The following PTPRD variants were observed in gnomAD, a reference collection of about 807,000 sequenced individuals.
PTPRD encodes protein tyrosine phosphatase receptor type D.
In PTPRD, 34 loss-of-function variants were observed where a neutral mutation model predicts 214.5. The ratio of observed to expected loss-of-function variants is 0.16; its 90% CI spans 0.12 to 0.21. PTPRD has a LOEUF of 0.21. PTPRD is among the 10% of genes least tolerant of loss of function. The probability of loss-of-function intolerance (pLI) is 1.00; values close to 1 mark genes in which losing one functional copy is unlikely to be tolerated. For synonymous variants in PTPRD, 1,128 were observed against 845.7 expected (o/e 1.33, Z -5.79); for missense variants, 2,545 against 2,398.7 (o/e 1.06, Z -1.27).
chr9:10,487,617 C>T (rs774842934), intron 2 of PTPRD, among the ~76,000 whole-genome samples: 8 of 151,740 alleles, frequency 5.3e-5, no homozygotes, highest in East Asian at 3.9e-4. Context: ...AGACCAAATA[C>T]GGCATGTTCT....
At position 9,768,772 on chromosome 9, in the gene PTPRD, G is replaced by C. The variant is rs112118359; in HGVS notation, c.-367-1921C>G. On this transcript the variant is annotated intron_variant, in intron 5 of 45. Coordinates refer to ENST00000381196, the MANE Select transcript of PTPRD (RefSeq NM_002839.4). Reference sequence around the variant, plus strand: ...CATGAAAACAAAAGTATGGGGTAAAGGGATTGCTTAAACCTCTGAATAGTC... The same window carrying C: ...CATGAAAACAAAAGTATGGGGTAAACGGATTGCTTAAACCTCTGAATAGTC... Among the ~76,000 whole-genome samples the C allele has an allele frequency of 5.7e-3, 868 of 152,298 alleles. 4 individuals are homozygous for C. Among genetic ancestry groups the C allele is most frequent in the Non-Finnish European group, 9.4e-3 (641 of 68,012 alleles).
chr9:8,755,233 CAAAA>C (rs201333942), intron 11 of PTPRD, among the ~76,000 whole-genome samples: 1 of 131,288 alleles, frequency 7.6e-6, no homozygotes, highest in Non-Finnish European at 1.6e-5. Context: ...AAAAAAAAAA[CAAAA>C]AAAACAAACA....
chr9:10,118,882 A>G (rs1272175134), intron 3 of PTPRD, among the ~76,000 whole-genome samples: 1 of 148,084 alleles, frequency 6.8e-6, no homozygotes, highest in East Asian at 1.9e-4. Flanking sequence ...AAATAAATAA[A>G]TAAATAAATA....
At chr9:9,356,673 G>T (rs1482598555) in intron 9 of PTPRD, among the ~76,000 whole-genome samples, 3 of 151,404 alleles carry the variant, frequency 2.0e-5, no homozygotes, top group Non-Finnish European at 4.4e-5. Flanking sequence ...GCATCTTGAA[G>T]AAACATAGTT....
chr9:10,303,029 A>C (rs1190149036), intron 3 of PTPRD, among the ~76,000 whole-genome samples: 1 of 152,220 alleles, frequency 6.6e-6, no homozygotes, highest in Non-Finnish European at 1.5e-5. Flanking sequence ...CTCCTCAGGG[A>C]ATGCAAAACA....
intron 9 of PTPRD, among the ~76,000 whole-genome samples, chr9:9,232,053 T>C (rs1308010375): frequency 2.0e-5 from 3 of 152,172 alleles, no homozygotes; most frequent in African/African-American, 7.2e-5. Context: ...CATGGTACTA[T>C]CCCTACAGTG....
intron 11 of PTPRD, among the ~76,000 whole-genome samples, chr9:8,991,102 C>T (rs563000545): frequency 6.6e-6 from 1 of 151,532 alleles, no homozygotes; most frequent in Admixed American, 6.6e-5. Context: ...GCCTGTAGTC[C>T]CAGCTACTCG....
chr9:8,932,712 C>A (rs566138958), intron 11 of PTPRD, among the ~76,000 whole-genome samples: 5 of 152,058 alleles, frequency 3.3e-5, no homozygotes, highest in East Asian at 1.9e-4. Context: ...AAAGGTGGAC[C>A]CCCCCTCCCC....
chr9:10,395,098 T>C (rs1165806777), intron 2 of PTPRD, among the ~76,000 whole-genome samples: 3 of 151,382 alleles, frequency 2.0e-5, no homozygotes, highest in Non-Finnish European at 4.4e-5. Context: ...CAGGCTTTCT[T>C]TTTATTATTA....
At chr9:9,469,575 C>T (rs16929549) in intron 8 of PTPRD, among the ~76,000 whole-genome samples, 1 of 152,066 alleles carries the variant, frequency 6.6e-6, no homozygotes, top group African/African-American at 2.4e-5. Context: ...ACATGATTAA[C>T]TGATGACAGA....
chr9:8,594,640 TTA>T (rs2094362081), intron 14 of PTPRD, among the ~76,000 whole-genome samples: 1 of 151,986 alleles, frequency 6.6e-6, no homozygotes, highest in South Asian at 2.1e-4. Flanking sequence ...GATCATGGTT[TTA>T]TATGTGTTTG....
chr9:10,528,901 C>T (rs1355897455), intron 2 of PTPRD, among the ~76,000 whole-genome samples: 1 of 151,926 alleles, frequency 6.6e-6, no homozygotes. Flanking sequence ...AGATTTATAT[C>T]TATATATGTT....
At chr9:9,866,258 G>C (rs1002213271) in intron 5 of PTPRD, among the ~76,000 whole-genome samples, 1 of 151,882 alleles carries the variant, frequency 6.6e-6, no homozygotes, top group African/African-American at 2.4e-5. Flanking sequence ...ATCAGTTGTA[G>C]TTTTGTTAAC....
chr9:8,407,995 A>C (rs151024231), intron 35 of PTPRD, among the ~76,000 whole-genome samples: 12 of 152,316 alleles, frequency 7.9e-5, no homozygotes, highest in Admixed American at 2.0e-4. Flanking sequence ...GGAAAATCAA[A>C]TTTCAGTTAT....
chr9:9,732,726 A>T lies in PTPRD; in HGVS notation c.-287+1807T>A, dbSNP rs368658862. 8.5e-5 allele frequency among the ~76,000 whole-genome samples: 13 copies of T among 152,250 alleles called. No individual in the cohort carries two copies. The South Asian group carries it at 2.1e-3, about 24-fold the overall frequency. On this transcript the variant is annotated intron_variant, in intron 7 of 45. Transcript: ENST00000381196. Reference sequence around the variant, plus strand: ...TGCAGAAAGTGCTGAGGGAGATGGAAGGCTAACCCTCATTCTCATTTTGCG... The same window carrying T: ...TGCAGAAAGTGCTGAGGGAGATGGATGGCTAACCCTCATTCTCATTTTGCG...
At chr9:9,228,567 T>C (rs541173255) in intron 9 of PTPRD, among the ~76,000 whole-genome samples, 10 of 152,168 alleles carry the variant, frequency 6.6e-5, no homozygotes, top group African/African-American at 2.2e-4. Flanking sequence ...AATAAATACA[T>C]GGACTTTAGG....
intron 10 of PTPRD, among the ~76,000 whole-genome samples, chr9:9,166,343 G>A (rs1227353899): frequency 6.6e-6 from 1 of 151,930 alleles, no homozygotes; most frequent in Non-Finnish European, 1.5e-5. Flanking sequence ...TTTATTCCTG[G>A]AATTTTGGGA....
In PTPRD at chr9:9,013,236, A is replaced by C. The variant is rs145748818; in HGVS notation, c.-104+5461T>G. ...CTGAACTCCGATGAAGCGTTTCTGA[A>C]GCAATAATTAATATACGAGGCCACC... On this transcript the variant is annotated intron_variant, in intron 11 of 45. Coordinates refer to ENST00000381196, the MANE Select transcript of PTPRD (RefSeq NM_002839.4). Among the ~76,000 whole-genome samples the C allele has an allele frequency of 3.3e-3, 508 of 152,212 alleles. 5 individuals are homozygous for C. The highest frequency in any genetic ancestry group is 0.012 in the African/African-American group (490 of 41,546).
chr9:9,834,904 G>C (rs1300179434), intron 5 of PTPRD, among the ~76,000 whole-genome samples: 2 of 151,822 alleles, frequency 1.3e-5, no homozygotes, highest in Admixed American at 6.6e-5. Context: ...TCTGGTCAAA[G>C]TAAATAAATA....
Sources: allele counts gnomAD v4.1 joint callset (sites outside exome capture counted in the v4.1 genomes callset), GRCh38; gene constraint gnomAD v4.1.1; transcripts MANE v1.5; gene names NCBI Gene and HGNC (gene_info 2026-07-23, HGNC 2026-07-21).